The following LINGO2 variants were observed in gnomAD, a reference collection of about 807,000 sequenced individuals.
LINGO2 encodes leucine-rich repeat and immunoglobulin-like domain-containing nogo receptor-interacting protein 2.
LINGO2 carries 14 observed loss-of-function variants against 30.6 expected under a neutral mutation model. The observed-to-expected ratio is 0.46, with a 90% CI of 0.30 to 0.72. LINGO2 has a LOEUF of 0.72. Among genes scored for constraint, LINGO2 ranks in the 30% least tolerant of loss-of-function variants. The pLI is 0.07. For missense variants in LINGO2, 729 were observed against 751.7 expected, an observed-to-expected ratio of 0.97 and a Z score of 0.35; for synonymous variants, 317 against 288.5, an observed-to-expected ratio of 1.10 and a Z score of -1.00.
chr9:28,513,912 T>G (rs556949902), intron 1 of LINGO2, among the ~76,000 whole-genome samples: 26 of 152,362 alleles, frequency 1.7e-4, no homozygotes, highest in African/African-American at 6.3e-4. Context: ...GAAGCTTTTG[T>G]GGCAGCCTTG....
At chr9:28,173,102 T>G (rs374365927) in intron 4 of LINGO2, among the ~76,000 whole-genome samples, 1 of 152,192 alleles carries the variant, frequency 6.6e-6, no homozygotes, top group Admixed American at 6.5e-5. Flanking sequence ...TCTCATTGAT[T>G]GTAGTTTTAA....
the LINGO2 span, among the ~76,000 whole-genome samples, chr9:28,981,001 G>A: frequency 4.6e-5 from 7 of 152,090 alleles, no homozygotes; most frequent in South Asian, 2.1e-4. Context: ...GGGTGAAACC[G>A]TACCTTACTG....
the LINGO2 span, among the ~76,000 whole-genome samples, chr9:28,824,333 C>A: frequency 6.6e-6 from 1 of 152,108 alleles, no homozygotes; most frequent in Non-Finnish European, 1.5e-5. Flanking sequence ...GTGCTAGGAA[C>A]CAAGAGATAA....
At chr9:28,412,389 G>T (rs542623852) in intron 2 of LINGO2, among the ~76,000 whole-genome samples, 1 of 151,900 alleles carries the variant, frequency 6.6e-6, no homozygotes, top group South Asian at 2.1e-4. Flanking sequence ...TGTGAATAGG[G>T]TTGTTTATCT....
At chr9:28,455,566 A>G (rs1401685825) in intron 2 of LINGO2, among the ~76,000 whole-genome samples, 1 of 152,126 alleles carries the variant, frequency 6.6e-6, no homozygotes, top group Non-Finnish European at 1.5e-5. Context: ...GTCAAGAGCC[A>G]AAGAGTAAAA....
At chr9:28,209,476 G>T (rs1252305236) in intron 4 of LINGO2, among the ~76,000 whole-genome samples, 3 of 151,784 alleles carry the variant, frequency 2.0e-5, no homozygotes, top group Non-Finnish European at 2.9e-5. Context: ...CATATTTTCT[G>T]AAATAAAAAT....
intron 4 of LINGO2, among the ~76,000 whole-genome samples, chr9:28,081,603 T>C (rs1299554673): frequency 3.9e-5 from 6 of 152,224 alleles, no homozygotes; most frequent in Non-Finnish European, 8.8e-5. Context: ...GAGAACGAGC[T>C]ATATTGATGG....
intron 2 of LINGO2, among the ~76,000 whole-genome samples, chr9:28,423,658 T>C (rs1823294113): frequency 6.6e-6 from 1 of 152,110 alleles, no homozygotes; most frequent in Non-Finnish European, 1.5e-5. Flanking sequence ...TACATATGTA[T>C]AAAATATTCA....
chr9:28,990,893 G>C, the LINGO2 span, among the ~76,000 whole-genome samples: 4 of 152,240 alleles, frequency 2.6e-5, no homozygotes, highest in South Asian at 8.3e-4. Context: ...ACCAAAAGTA[G>C]ATAAAACCAC....
chr9:27,970,253 A>G (rs1364571110), intron 5 of LINGO2, among the ~76,000 whole-genome samples: 1 of 152,178 alleles, frequency 6.6e-6, no homozygotes, highest in Non-Finnish European at 1.5e-5. Context: ...ACATATGGCC[A>G]CCACTGTTCC....
At chr9:28,125,574 T>C (rs1371356475) in intron 4 of LINGO2, among the ~76,000 whole-genome samples, 1 of 152,146 alleles carries the variant, frequency 6.6e-6, no homozygotes, top group Non-Finnish European at 1.5e-5. Flanking sequence ...CTTATGAACA[T>C]ATGCTGTTGA....
the LINGO2 span, among the ~76,000 whole-genome samples, chr9:28,974,747 T>C: frequency 6.6e-6 from 1 of 152,120 alleles, no homozygotes; most frequent in Non-Finnish European, 1.5e-5. Context: ...GAGTACCTGC[T>C]ATGTGCCTGG....
At chr9:28,805,564 T>C in the LINGO2 span, among the ~76,000 whole-genome samples, 1 of 152,208 alleles carries the variant, frequency 6.6e-6, no homozygotes, top group African/African-American at 2.4e-5. Flanking sequence ...TATATTAAAT[T>C]CCAATCCATC....
the LINGO2 span, among the ~76,000 whole-genome samples, chr9:28,772,315 C>T: frequency 1.3e-5 from 2 of 152,176 alleles, no homozygotes; most frequent in African/African-American, 4.8e-5. Flanking sequence ...ATATATGGCT[C>T]TGGAGGCACT....
chr9:28,739,001 T>C, the LINGO2 span, among the ~76,000 whole-genome samples: 2 of 151,980 alleles, frequency 1.3e-5, no homozygotes, highest in South Asian at 2.1e-4. Context: ...TTTTAATACA[T>C]CCTGGTAATG....
intron 1 of LINGO2, among the ~76,000 whole-genome samples, chr9:28,607,978 T>C (rs1217831930): frequency 6.6e-6 from 1 of 152,042 alleles, no homozygotes; most frequent in African/African-American, 2.4e-5. Flanking sequence ...ACAGCATGCA[T>C]GTTAAGAAAT....
At chr9:28,790,781 T>C in the LINGO2 span, among the ~76,000 whole-genome samples, 1 of 152,200 alleles carries the variant, frequency 6.6e-6, no homozygotes, top group Non-Finnish European at 1.5e-5. Flanking sequence ...GTTAATCTCG[T>C]ATTGTTCCTA....
intron 4 of LINGO2, among the ~76,000 whole-genome samples, chr9:28,065,192 TAA>T (rs748360364): frequency 2.2e-5 from 3 of 138,738 alleles, no homozygotes; most frequent in African/African-American, 2.7e-5. Flanking sequence ...ATCTCCAAGT[TAA>T]AAAAAAAAAA....
chr9:28,624,474 T>G (rs1160865789), intron 1 of LINGO2, among the ~76,000 whole-genome samples: 1 of 152,152 alleles, frequency 6.6e-6, no homozygotes, highest in African/African-American at 2.4e-5. Context: ...CCATATTGAT[T>G]GATTTGCGTA....
Sources: gnomAD v4.1 joint callset for allele counts (sites outside exome capture counted in the v4.1 genomes callset) on GRCh38, gnomAD v4.1.1 for gene constraint, MANE v1.5 for transcripts, NCBI Gene and HGNC (gene_info 2026-07-23, HGNC 2026-07-21) for gene names.